STK32B: variants seen among roughly 807,000 people sequenced by gnomAD.
STK32B encodes the protein serine/threonine kinase 32B, also known as serine/threonine-protein kinase 32B.
STK32B carries 43 observed loss-of-function variants against 52.6 expected under a neutral mutation model. The ratio of observed to expected loss-of-function variants is 0.82; its 90% CI spans 0.64 to 1.05. The LOEUF is 1.05. Among genes scored for constraint, STK32B ranks in the 50% least tolerant of loss-of-function variants. The pLI, the probability that STK32B is intolerant of heterozygous loss-of-function variation, is 0.00. For missense variants in STK32B, 621 were observed against 534.6 expected (o/e 1.16, Z -1.59); for synonymous variants, 238 against 204.3 (o/e 1.17, Z -1.41).
chr4:5,127,101 G>C (rs1475955709), intron 1 of STK32B: 1 of 513,094 alleles, frequency 1.9e-6, no homozygotes, highest in Non-Finnish European at 3.9e-6. Flanking sequence ...AGCCGTGAAG[G>C]GAACTTAACC....
chr4:5,042,351 C>A, the STK32B span, among the ~76,000 whole-genome samples: 1 of 152,182 alleles, frequency 6.6e-6, no homozygotes, highest in Non-Finnish European at 1.5e-5. Flanking sequence ...TTGTTTTGCA[C>A]ATAATTAGAA....
chr4:5,342,409 A>G (rs1733145529), intron 4 of STK32B, among the ~76,000 whole-genome samples: 1 of 152,238 alleles, frequency 6.6e-6, no homozygotes, highest in Non-Finnish European at 1.5e-5. Context: ...AGGGACGTAA[A>G]TGAAGCTGGA....
At chr4:5,023,278 C>G in the STK32B span, among the ~76,000 whole-genome samples, 2 of 152,166 alleles carry the variant, frequency 1.3e-5, no homozygotes, top group Non-Finnish European at 2.9e-5. Context: ...ACAGCAGCCA[C>G]AGGAAACAAG....
intron 3 of STK32B, among the ~76,000 whole-genome samples, chr4:5,254,237 A>G (rs993233297): frequency 1.3e-5 from 2 of 152,060 alleles, no homozygotes; most frequent in African/African-American, 4.8e-5. Flanking sequence ...AGGCTCTGTA[A>G]TGTCCCCTTT....
intron 3 of STK32B, among the ~76,000 whole-genome samples, chr4:5,329,341 A>G (rs116549722): frequency 0.013 from 2,013 of 152,198 alleles, 34 homozygotes; most frequent in African/African-American, 0.044. Context: ...GGTGACTCCC[A>G]AAGGTGGCCC....
At chr4:5,313,793 G>A (rs11735863) in intron 3 of STK32B, among the ~76,000 whole-genome samples, 17,750 of 152,030 alleles carry the variant, frequency 0.12, 2,622 homozygotes, top group African/African-American at 0.35. Flanking sequence ...TCTGTATACT[G>A]ACAACGAACA....
chr4:5,372,453 C>G (rs1051330412), intron 4 of STK32B, among the ~76,000 whole-genome samples: 1 of 152,122 alleles, frequency 6.6e-6, no homozygotes, highest in Admixed American at 6.5e-5. Context: ...GACTCCCGAC[C>G]TCTCACTCCC....
chr4:5,095,426 C>A (rs1560148486), intron 1 of STK32B, among the ~76,000 whole-genome samples: 1 of 152,132 alleles, frequency 6.6e-6, no homozygotes, highest in Non-Finnish European at 1.5e-5. Context: ...ACCAGTCTGG[C>A]CAACAGGGCG....
chr4:5,320,920 G>T (rs193135175), intron 3 of STK32B, among the ~76,000 whole-genome samples: 181 of 152,294 alleles, frequency 1.2e-3, no homozygotes, highest in African/African-American at 4.2e-3. Context: ...CAAACAGAAT[G>T]ACTGGTTTTT....
At chr4:5,356,611 G>A (rs1371937957) in intron 4 of STK32B, among the ~76,000 whole-genome samples, 2 of 151,558 alleles carry the variant, frequency 1.3e-5, no homozygotes, top group East Asian at 4.0e-4. Flanking sequence ...TTGTGTATAT[G>A]ACACATCCAA....
the STK32B span, among the ~76,000 whole-genome samples, chr4:5,021,296 T>G: frequency 6.6e-6 from 1 of 152,270 alleles, no homozygotes; most frequent in African/African-American, 2.4e-5. Flanking sequence ...TGTGCCTTCC[T>G]GTTTTGTAGG....
chr4:5,264,946 T>A (rs1726967127), intron 3 of STK32B, among the ~76,000 whole-genome samples: 1 of 152,200 alleles, frequency 6.6e-6, no homozygotes, highest in Non-Finnish European at 1.5e-5. Flanking sequence ...GATTTTAATT[T>A]GGATGAACTG....
chr4:5,449,438 A>G (rs1223843238), intron 7 of STK32B, among the ~76,000 whole-genome samples: 3 of 152,208 alleles, frequency 2.0e-5, no homozygotes, highest in Non-Finnish European at 4.4e-5. Flanking sequence ...TGATATTAAT[A>G]TGGCTTGTTA....
At chr4:5,147,903 G>A (rs974616481) in intron 2 of STK32B, among the ~76,000 whole-genome samples, 1 of 151,772 alleles carries the variant, frequency 6.6e-6, no homozygotes, top group Non-Finnish European at 1.5e-5. Context: ...TGTTTTCAGG[G>A]TTATAGTAGT....
intron 3 of STK32B, among the ~76,000 whole-genome samples, chr4:5,313,752 A>T (rs1461778009): frequency 6.6e-6 from 1 of 152,216 alleles, no homozygotes; most frequent in Non-Finnish European, 1.5e-5. Context: ...ATTACAGTAT[A>T]CAGCACTAGC....
At chr4:5,370,276 G>C (rs1412571881) in intron 4 of STK32B, among the ~76,000 whole-genome samples, 1 of 152,236 alleles carries the variant, frequency 6.6e-6, no homozygotes, top group Non-Finnish European at 1.5e-5. Flanking sequence ...CTTGTTCGCT[G>C]TGGTATTATC....
At chr4:5,498,347 C>A (rs756664338) in intron 11 of STK32B, among the ~76,000 whole-genome samples, 1 of 152,190 alleles carries the variant, frequency 6.6e-6, no homozygotes, top group African/African-American at 2.4e-5. Context: ...CGGAATCATA[C>A]CCCCTCAACA....
Position 5,424,392 on chromosome 4 carries a change from C to T in STK32B, c.562+7458C>T, listed in dbSNP as rs1434727475. Among the ~76,000 whole-genome samples, 7 of 152,158 alleles carry T rather than the reference C, an allele frequency of 4.6e-5. No individual in the cohort carries two copies. In the South Asian group the frequency reaches 1.0e-3, roughly 23 times the overall value. ...AGCCTGGGGGCTGGGTCACCAGTTC[C>T]ACTGACCGGAGTGAGAACTTGTGAT... On this transcript the variant is annotated intron_variant, in intron 6 of 11. Transcript: ENST00000282908.
At chr4:5,047,752 C>G (rs1741646631), upstream of STK32B, among the ~76,000 whole-genome samples, 1 of 152,140 alleles carries the variant, frequency 6.6e-6, no homozygotes, top group South Asian at 2.1e-4. Context: ...GAGACAGGAG[C>G]TTTGCCACTA....
Sources: allele counts gnomAD v4.1 joint callset (sites outside exome capture counted in the v4.1 genomes callset), GRCh38; gene constraint gnomAD v4.1.1; transcripts MANE v1.5; gene names NCBI Gene and HGNC (gene_info 2026-07-23, HGNC 2026-07-21).